Variants in GPM6B observed in about 807,000 individuals in gnomAD.
GPM6B encodes the protein neuronal membrane glycoprotein M6-b.
A neutral mutation model predicts 27.2 loss-of-function variants in GPM6B; 4 were observed. The ratio of observed to expected loss-of-function variants is 0.15; its 90% CI spans 0.07 to 0.34. The LOEUF (loss-of-function observed/expected upper bound fraction) is 0.34. Ranked by LOEUF, GPM6B falls within the 10% of genes least tolerant of loss-of-function variation. The probability of loss-of-function intolerance (pLI) is 1.00; values close to 1 mark genes in which losing one functional copy is unlikely to be tolerated. For missense variants in GPM6B, 183 were observed against 261.9 expected (o/e 0.70, Z 2.08); for synonymous variants, 124 against 103.1 (o/e 1.20, Z -1.23).
intron 2 of GPM6B, among the ~76,000 whole-genome samples, chrX:13,800,150 T>A (rs1488193377): frequency 9.0e-6 from 1 of 111,696 alleles, no homozygotes; most frequent in Non-Finnish European, 1.9e-5. Flanking sequence ...TCATCTGCTA[T>A]GCCATGAAGT....
chrX:13,835,083 T>C (rs1453163700), intron 1 of GPM6B, among the ~76,000 whole-genome samples: 1 of 112,044 alleles, frequency 8.9e-6, no homozygotes, highest in African/African-American at 3.2e-5. Flanking sequence ...GGTGCCACTG[T>C]CATGGCAGCT....
Position 13,795,742 on chromosome X carries a change from CTT to C in GPM6B, c.182-9936_182-9935del, listed in dbSNP as rs146240939. Reference sequence around the variant, plus strand: ...AAACTTCTCAGTTCTAATTTCTTTTCTTTTTTTTTTTTTTTTTTTAAGATGGA... The same window carrying C: ...AAACTTCTCAGTTCTAATTTCTTTTCTTTTTTTTTTTTTTTTTAAGATGGA... On this transcript the variant is annotated intron_variant, in intron 2 of 7. Transcript: ENST00000316715. Among the ~76,000 whole-genome samples, 425 of 82,757 alleles carry C rather than the reference CTT, an allele frequency of 5.1e-3. 10 individuals carry two copies. Among genetic ancestry groups the C allele is most frequent in the Admixed American group, 0.045 (317 of 7,068 alleles). The allele number at this position is 82,757 out of a possible 115,157, so 71.9% of individuals were successfully genotyped here. A position where few individuals can be genotyped will look rare whatever the true frequency, so the allele number is the denominator to read the frequency against.
rs2048297477 is a variant in GPM6B at position 13,771,460 on chromosome X, A to G, written c.*1421T>C. 1.8e-5 allele frequency: 2 copies of G among 111,991 alleles called. No homozygotes were observed. The highest frequency in any genetic ancestry group is 6.5e-5 in the African/African-American group (2 of 30,775). The allele number at this position is 111,991 out of a possible 1,213,427, so 9.2% of individuals were successfully genotyped here. On this transcript the variant is annotated 3_prime_UTR_variant, in exon 8 of 8. Coordinates refer to ENST00000316715, the MANE Select transcript of GPM6B (RefSeq NM_001001995.3). ...AAAGAGAATCCAAATGAAATATTAT[A>G]CTTGATGTTCAATTTTAATAGCATC...
chrX:13,836,889 C>G (rs1243722858), intron 1 of GPM6B, among the ~76,000 whole-genome samples: 2 of 112,026 alleles, frequency 1.8e-5, no homozygotes, highest in Non-Finnish European at 3.8e-5. Flanking sequence ...AAAAACTGAG[C>G]TAAGGAGTGC....
intron 7 of GPM6B, 39 bp downstream of exon 7, chrX:13,776,196 GGGA>G: frequency 9.4e-7 from 1 of 1,061,714 alleles, no homozygotes; most frequent in Non-Finnish European, 1.3e-6. Context: ...AGAAGCTGGA[GGGA>G]GGAGGCTAGA....
At chrX:13,806,396 C>G (rs945437308) in intron 2 of GPM6B, among the ~76,000 whole-genome samples, 1 of 111,938 alleles carries the variant, frequency 8.9e-6, no homozygotes, top group African/African-American at 3.3e-5. Flanking sequence ...TATATCACGT[C>G]TAATGACTTT....
At position 13,888,164 on chromosome X, in the gene GPM6B, G is replaced by A. The variant is rs141021452; in HGVS notation, c.-198+50163C>T. ...AATGTTATAAACACCAACGGAAAAC[G>A]TCATGGTTTGGGAACATTTCTTTAT... On this transcript the variant is annotated intron_variant, in intron 1 of 6. Transcript: ENST00000398361. Among the ~76,000 whole-genome samples the A allele has an allele frequency of 9.2e-4, 103 of 111,981 alleles. 1 individual carries two copies. In the East Asian group the frequency reaches 0.011, roughly 12 times the overall value.
At chrX:13,818,893 C>T (rs758591629), upstream of GPM6B, among the ~76,000 whole-genome samples, 1 of 112,304 alleles carries the variant, frequency 8.9e-6, no homozygotes, top group East Asian at 2.8e-4. Context: ...AAACAAAATT[C>T]AATTCAGCAC....
intron 7 of GPM6B, chrX:13,774,754 AACAG>A (rs2048378059): frequency 4.2e-6 from 2 of 479,463 alleles, no homozygotes; most frequent in African/African-American, 4.7e-5. Flanking sequence ...TTAAAATCAC[AACAG>A]ACAATTTTCC....
intron 4 of GPM6B, among the ~76,000 whole-genome samples, chrX:13,782,606 T>C (rs2048535928): frequency 9.2e-6 from 1 of 108,958 alleles, no homozygotes; most frequent in Admixed American, 9.8e-5. Flanking sequence ...ATTTAACAGC[T>C]GCCTCCTTCC....
intron 1 of GPM6B, among the ~76,000 whole-genome samples, chrX:13,868,185 T>A (rs1167647165): frequency 4.3e-5 from 2 of 46,734 alleles, no homozygotes; most frequent in African/African-American, 1.4e-4. Flanking sequence ...CATAGACATT[T>A]AAATTGTGTG....
At chrX:13,904,275 A>ATAT (rs1394479724) in intron 1 of GPM6B, among the ~76,000 whole-genome samples, 1 of 112,063 alleles carries the variant, frequency 8.9e-6, no homozygotes, top group Non-Finnish European at 1.9e-5. Context: ...ATATTTTGAG[A>ATAT]TACCTGCAAT....
At chrX:13,786,993 C>T (rs2048623483) in intron 2 of GPM6B, among the ~76,000 whole-genome samples, 1 of 86,463 alleles carries the variant, frequency 1.2e-5, no homozygotes, top group Admixed American at 1.6e-4. Flanking sequence ...TGGTGTTTAG[C>T]AGCAATCAAG....
chrX:13,850,655 T>C (rs1028794535), intron 1 of GPM6B, among the ~76,000 whole-genome samples: 2 of 111,975 alleles, frequency 1.8e-5, no homozygotes, highest in Non-Finnish European at 3.8e-5. Flanking sequence ...GTATGGGCAA[T>C]ATACTTAAGC....
At chrX:13,870,851 G>A (rs753916118) in intron 1 of GPM6B, among the ~76,000 whole-genome samples, 26 of 111,014 alleles carry the variant, frequency 2.3e-4, no homozygotes, top group Non-Finnish European at 9.4e-5. Context: ...GCACCTTCCA[G>A]ATCTATTTAA....
chrX:13,930,080 A>T (rs1368901927), intron 1 of GPM6B, among the ~76,000 whole-genome samples: 2 of 111,949 alleles, frequency 1.8e-5, no homozygotes, highest in Non-Finnish European at 3.8e-5. Flanking sequence ...AATTCCAAAG[A>T]TCAGGTTTAA....
At chrX:13,798,391 GAAGGA>G (rs2048855106) in intron 2 of GPM6B, among the ~76,000 whole-genome samples, 1 of 108,667 alleles carries the variant, frequency 9.2e-6, no homozygotes, top group South Asian at 4.1e-4. Flanking sequence ...CAGTGAGGGG[GAAGGA>G]AAATAAAGGG....
chrX:13,873,081 C>T (rs1313165225), intron 1 of GPM6B, among the ~76,000 whole-genome samples: 1 of 111,172 alleles, frequency 9.0e-6, no homozygotes, highest in African/African-American at 3.3e-5. Flanking sequence ...GCTGTTTGTT[C>T]TGCAGAAATG....
intron 1 of GPM6B, among the ~76,000 whole-genome samples, chrX:13,897,151 G>A (rs770800547): frequency 8.9e-6 from 1 of 112,116 alleles, no homozygotes; most frequent in East Asian, 2.8e-4. Context: ...AGTCCCACTG[G>A]CCTTGAGATT....
Sources: gnomAD v4.1 joint callset for allele counts (sites outside exome capture counted in the v4.1 genomes callset) on GRCh38, gnomAD v4.1.1 for gene constraint, MANE v1.5 for transcripts, NCBI Gene and HGNC (gene_info 2026-07-23, HGNC 2026-07-21) for gene names.